Variants in COL5A1 observed in about 807,000 individuals in gnomAD.
The protein encoded by COL5A1 is collagen type V alpha 1 chain, also known as collagen alpha-1(V) chain.
Under a neutral mutation model 263.7 loss-of-function variants are expected in COL5A1, and 16 were observed. The ratio of observed to expected loss-of-function variants is 0.06; its 90% CI spans 0.04 to 0.09. The LOEUF (loss-of-function observed/expected upper bound fraction) is 0.09. COL5A1 is among the 10% of genes least tolerant of loss of function. The pLI, the probability that COL5A1 is intolerant of heterozygous loss-of-function variation, is 1.00. For synonymous variants in COL5A1, 1,012 were observed against 1,004.5 expected (o/e 1.01, Z -0.14); for missense variants, 2,036 against 2,540.5 (o/e 0.80, Z 4.27).
At chr9:134,779,583 C>T (rs926584011) in intron 27 of COL5A1, among the ~76,000 whole-genome samples, 2 of 152,164 alleles carry the variant, frequency 1.3e-5, no homozygotes, top group Middle Eastern at 3.2e-3. Context: ...CAGGCATTTC[C>T]CTCCCAACAG....
chr9:134,828,751 G>A (rs369559453), intron 63 of COL5A1, among the ~76,000 whole-genome samples: 5 of 26,280 alleles, frequency 1.9e-4, no homozygotes, highest in African/African-American at 7.2e-4. Flanking sequence ...CACACACCAC[G>A]CACATGATAC....
chr9:134,810,089 A>G (rs545635715), intron 43 of COL5A1, among the ~76,000 whole-genome samples, 166 bp from the exon 44 acceptor site: 76 of 152,244 alleles, frequency 5.0e-4, no homozygotes, highest in Non-Finnish European at 9.7e-4. Context: ...CCTTGTATTA[A>G]AAAGGAAATC....
chr9:134,760,522 A>ACC (rs1315911173), intron 18 of COL5A1, among the ~76,000 whole-genome samples: 1 of 106,344 alleles, frequency 9.4e-6, no homozygotes, highest in Admixed American at 1.1e-4. Context: ...ACACACCCAC[A>ACC]CACCCCCACA....
intron 4 of COL5A1, among the ~76,000 whole-genome samples, chr9:134,704,539 G>C (rs1347020339): frequency 6.6e-6 from 1 of 152,180 alleles, no homozygotes; most frequent in Non-Finnish European, 1.5e-5. Context: ...CGAACGGTAA[G>C]TCACAGATAG....
intron 58 of COL5A1, among the ~76,000 whole-genome samples, chr9:134,820,665 G>A (rs750128133): frequency 7.2e-5 from 11 of 152,266 alleles, no homozygotes; most frequent in Non-Finnish European, 1.3e-4. Context: ...CCAAACTGTA[G>A]CTCATTGGAG....
intron 1 of COL5A1, among the ~76,000 whole-genome samples, chr9:134,656,512 C>T (rs1375956016): frequency 6.6e-6 from 1 of 152,146 alleles, no homozygotes; most frequent in Non-Finnish European, 1.5e-5. Context: ...GCAATAGCAC[C>T]ACCTACCTGG....
At chr9:134,837,757 C>T (rs1025253079) in intron 65 of COL5A1, among the ~76,000 whole-genome samples, 3 of 152,012 alleles carry the variant, frequency 2.0e-5, no homozygotes, top group Non-Finnish European at 4.4e-5. Flanking sequence ...TTGCCAGTCT[C>T]GGGTGTGCCA....
chr9:134,766,130 C>G (rs1836652953), intron 21 of COL5A1, among the ~76,000 whole-genome samples: 1 of 152,308 alleles, frequency 6.6e-6, no homozygotes, highest in Admixed American at 6.5e-5. Context: ...GGGGCTGTGT[C>G]CCGGTGGGCA....
chr9:134,801,901 A>C (rs11103533), intron 37 of COL5A1, 53 bp from the exon 38 acceptor site: 43,205 of 1,531,488 alleles, frequency 0.028, 784 homozygotes, highest in Non-Finnish European at 0.035. Flanking sequence ...AGTGCAGGGC[A>C]GGGTGGCGCA....
chr9:134,716,415 G>A lies in COL5A1; in HGVS notation c.655-10851G>A, dbSNP rs527547014. Among the ~76,000 whole-genome samples the A allele has an allele frequency of 1.2e-4, 19 of 152,152 alleles. No homozygotes were observed. Among genetic ancestry groups the A allele is most frequent in the African/African-American group, 3.9e-4 (16 of 41,478 alleles). On this transcript the variant is annotated intron_variant, in intron 4 of 65. Coordinates refer to ENST00000371817, the MANE Select transcript of COL5A1 (RefSeq NM_000093.5). This position sits in a 1 kb window ranked among gnomAD's most constrained non-coding sequence, Gnocchi z 4.5. ...CATCCCCTGTGCTCAGCGATGCCCCGTGTGCCATAAAACAGTGTCTGCAGG... is the reference window on the plus strand; with the variant it reads ...CATCCCCTGTGCTCAGCGATGCCCCATGTGCCATAAAACAGTGTCTGCAGG...
intron 1 of COL5A1, among the ~76,000 whole-genome samples, chr9:134,670,601 C>G (rs1263688138): frequency 6.6e-6 from 1 of 152,158 alleles, no homozygotes; most frequent in Non-Finnish European, 1.5e-5. Flanking sequence ...GCCCCCGGGT[C>G]GTTGTCTGGA....
chr9:134,691,057 A>G lies in COL5A1; in HGVS notation c.255A>G (p.Ala85=). The G allele has an allele frequency of 6.2e-7, 1 of 1,613,386 alleles. No homozygotes were observed. The highest frequency in any genetic ancestry group is 8.5e-7 in the Non-Finnish European group (1 of 1,180,042). The change falls in exon 2 of 66, where the codon GCA becomes GCG. Residue 85 remains alanine (A), a synonymous_variant. Coordinates refer to ENST00000371817, the MANE Select transcript of COL5A1 (RefSeq NM_000093.5). ...YRVTKDAQLS[A]PTKQLYPASA... ...TCACCAAAGACGCGCAGCTCAGCGC[A>G]CCCACCAAGCAGCTGTACCCTGGTA...
At chr9:134,795,661 G>A (rs1837881620) in intron 34 of COL5A1, among the ~76,000 whole-genome samples, 2 of 152,206 alleles carry the variant, frequency 1.3e-5, no homozygotes, top group South Asian at 4.1e-4. Context: ...CTCTTGAAAG[G>A]GGTTTGAGAG....
chr9:134,708,974 CCT>C (rs1328003525), intron 4 of COL5A1: 1 of 456,642 alleles, frequency 2.2e-6, no homozygotes, highest in Non-Finnish European at 4.4e-6. Context: ...CTCTCTTCCC[CCT>C]GTGTCTCTCT....
chr9:134,657,715 C>A (rs941338834), intron 1 of COL5A1, among the ~76,000 whole-genome samples: 2 of 150,696 alleles, frequency 1.3e-5, no homozygotes, highest in African/African-American at 2.4e-5. Flanking sequence ...CCAGGAGCTT[C>A]TCCAGATGAG....
chr9:134,718,637 G>C (rs1036173507), intron 4 of COL5A1, among the ~76,000 whole-genome samples: 2 of 152,188 alleles, frequency 1.3e-5, no homozygotes, highest in Admixed American at 6.5e-5. Flanking sequence ...ACAAAGTTTT[G>C]GGAACTGGGA....
At chr9:134,693,827 G>A (rs1187627988) in intron 2 of COL5A1, among the ~76,000 whole-genome samples, 1 of 152,232 alleles carries the variant, frequency 6.6e-6, no homozygotes, top group Non-Finnish European at 1.5e-5. Context: ...TGCTCAGTGT[G>A]TAGGGGCCAC....
At chr9:134,779,980 G>A in intron 27 of COL5A1, 122 bp from the exon 28 acceptor site, 1 of 1,063,412 alleles carries the variant, frequency 9.4e-7, no homozygotes, top group Non-Finnish European at 1.5e-6. Flanking sequence ...TGTGTTGAGG[G>A]CAGGGCGCTG....
At chr9:134,721,092 A>G (rs767124355) in intron 4 of COL5A1, among the ~76,000 whole-genome samples, 1 of 152,086 alleles carries the variant, frequency 6.6e-6, no homozygotes, top group Non-Finnish European at 1.5e-5. Flanking sequence ...GTCAGGGAAG[A>G]TGCCTCTCTC....
Sources: gnomAD v4.1 joint callset for allele counts (sites outside exome capture counted in the v4.1 genomes callset) on GRCh38, gnomAD v4.1.1 for gene constraint, Gnocchi (gnomAD v3.1) non-coding constraint, MANE v1.5 for transcripts, NCBI Gene and HGNC (gene_info 2026-07-23, HGNC 2026-07-21) for gene names.